The following ATXN7 variants were observed in gnomAD, a reference collection of about 807,000 sequenced individuals.
The protein encoded by ATXN7 is ataxin-7.
ATXN7 carries 12 observed loss-of-function variants against 70.5 expected under a neutral mutation model. That is an observed-to-expected ratio of 0.17 (90% confidence interval 0.11 to 0.28). The LOEUF (loss-of-function observed/expected upper bound fraction) is 0.28, where lower values mean the gene tolerates loss of function less well. Ranked by LOEUF, ATXN7 falls within the 10% of genes least tolerant of loss-of-function variation. The probability of loss-of-function intolerance (pLI) is 1.00; values close to 1 mark genes in which losing one functional copy is unlikely to be tolerated. For synonymous variants in ATXN7, 498 were observed against 448.7 expected (o/e 1.11, Z -1.39); for missense variants, 1,256 against 1,131.7 (o/e 1.11, Z -1.58).
chr3:63,994,359 T>C (rs925838997), intron 11 of ATXN7, among the ~76,000 whole-genome samples: 1 of 152,080 alleles, frequency 6.6e-6, no homozygotes, highest in Non-Finnish European at 1.5e-5. Context: ...CTCAGCCTTC[T>C]AAGTAGCTGG....
chr3:64,002,877 AATTTAAAAT>A lies in ATXN7; in HGVS notation c.*3424_*3432del, dbSNP rs1405843593. 13 of 151,004 alleles carry A rather than the reference AATTTAAAAT, an allele frequency of 8.6e-5. No homozygotes were observed. Among genetic ancestry groups the A allele is most frequent in the African/African-American group, 1.2e-4 (5 of 41,454 alleles). The allele number at this position is 151,004 out of a possible 1,614,324, so 9.4% of individuals were successfully genotyped here. ...GTTTTGTTATTCACTCATGAAATAC[AATTTAAAAT>A]ATTTAAAATATTTTGTATTCCAAAA... On this transcript the variant is annotated 3_prime_UTR_variant, in exon 13 of 13. Coordinates refer to ENST00000674280, the MANE Select transcript of ATXN7 (RefSeq NM_001377405.1).
At chr3:63,979,882 A>G (rs375903311) in intron 5 of ATXN7, 33 bp from the exon 6 acceptor site, 15 of 1,610,564 alleles carry the variant, frequency 9.3e-6, no homozygotes, top group African/African-American at 8.0e-5. Context: ...CGCCTAAAAC[A>G]TGATGTCTTT....
At chr3:63,869,468 G>A (rs1050144177) in intron 1 of ATXN7, among the ~76,000 whole-genome samples, 1 of 151,834 alleles carries the variant, frequency 6.6e-6, no homozygotes, top group African/African-American at 2.4e-5. Context: ...TTGTTGCCAA[G>A]GCTGGAGTGC....
intron 1 of ATXN7, among the ~76,000 whole-genome samples, chr3:63,871,142 T>C (rs1226356871): frequency 6.6e-6 from 1 of 152,166 alleles, no homozygotes; most frequent in African/African-American, 2.4e-5. Context: ...GTACACTCTT[T>C]TTGGAGTTTA....
At chr3:63,928,206 T>C (rs970880043) in intron 4 of ATXN7, among the ~76,000 whole-genome samples, 3 of 152,168 alleles carry the variant, frequency 2.0e-5, no homozygotes, top group Non-Finnish European at 2.9e-5. Context: ...GAGGCTGATC[T>C]GGGAGAATCA....
intron 5 of ATXN7, among the ~76,000 whole-genome samples, chr3:63,972,760 G>A (rs2075332562): frequency 6.6e-6 from 1 of 152,164 alleles, no homozygotes; most frequent in Non-Finnish European, 1.5e-5. Flanking sequence ...CTTAGAAGAG[G>A]TTGATATCTT....
intron 1 of ATXN7, among the ~76,000 whole-genome samples, chr3:63,896,141 T>C (rs1363615990): frequency 1.3e-5 from 2 of 151,946 alleles, no homozygotes; most frequent in Admixed American, 6.6e-5. Flanking sequence ...GAAAAAAGGG[T>C]CAACATAGGC....
Position 63,988,129 on chromosome 3 carries a change from A to G in ATXN7, c.1166A>G (p.His389Arg). 6.2e-7 allele frequency: 1 copy of G among 1,614,172 alleles called. No homozygotes were observed. The highest frequency in any genetic ancestry group is 1.7e-5 in the Admixed American group (1 of 60,024). Residue 389 changes from histidine (H) to arginine (R), a missense_variant, in exon 9 of 13, where the codon CAC becomes CGC. Physicochemically the swap from His to Arg is conservative, Grantham distance 29. Coordinates refer to ENST00000674280, the MANE Select transcript of ATXN7 (RefSeq NM_001377405.1). ...RKRFDVLLAE[H>R]KNKTREKELI... ...CGATTTGATGTGTTATTAGCCGAGC[A>G]CAAAAACAAAACCAGGGAAAAGGAA...
chr3:63,991,010 T>C, intron 11 of ATXN7, 151 bp downstream of exon 11: 3 of 1,130,552 alleles, frequency 2.7e-6, no homozygotes, highest in Non-Finnish European at 3.8e-6. Context: ...ATTCATTCAT[T>C]CATTTACCCC....
At chr3:63,986,876 G>A (rs2075586261) in intron 8 of ATXN7, among the ~76,000 whole-genome samples, 1 of 152,168 alleles carries the variant, frequency 6.6e-6, no homozygotes, top group Non-Finnish European at 1.5e-5. Flanking sequence ...TGTATTATGT[G>A]TAGGGGCATG....
chr3:63,906,819 A>G lies in ATXN7; in HGVS notation c.-11-5769A>G, dbSNP rs547232761. Among the ~76,000 whole-genome samples, 7 of 152,290 alleles carry G rather than the reference A, an allele frequency of 4.6e-5. No homozygotes were observed. The South Asian group carries it at 1.4e-3, about 32-fold the overall frequency. On this transcript the variant is annotated intron_variant, in intron 2 of 12. Transcript: ENST00000674280. ...GCATGTTTGAAGTTCTGAATTTGTC[A>G]TTTGGGCTAGACCATAGACTACCTG... is the stretch of plus-strand genomic sequence containing the variant.
intron 1 of ATXN7, among the ~76,000 whole-genome samples, chr3:63,886,820 A>G (rs1227068117): frequency 1.3e-5 from 2 of 152,234 alleles, no homozygotes; most frequent in African/African-American, 2.4e-5. Context: ...AAAGTGGGGC[A>G]GTTCTTCCTT....
At chr3:63,990,474 G>T in intron 10 of ATXN7, 100 bp downstream of exon 10, 2 of 1,433,064 alleles carry the variant, frequency 1.4e-6, no homozygotes, top group South Asian at 2.5e-5. Context: ...CGTATGTGTG[G>T]GACGCGGTCA....
intron 4 of ATXN7, among the ~76,000 whole-genome samples, chr3:63,950,872 G>A (rs1176216908): frequency 6.6e-6 from 1 of 152,134 alleles, no homozygotes; most frequent in African/African-American, 2.4e-5. Context: ...ATCAAAGATG[G>A]TCAGCCCTGA....
Position 64,002,812 on chromosome 3 carries a change from A to G in ATXN7, c.*3345A>G, listed in dbSNP as rs2106822743. ...GGATTGCCTGGTGGCACCAAGGGTT[A>G]CAGATCTTTTTGTCAGCCAGCAACT... On this transcript the variant is annotated 3_prime_UTR_variant, in exon 13 of 13. Coordinates refer to ENST00000674280, the MANE Select transcript of ATXN7 (RefSeq NM_001377405.1). The G allele has an allele frequency of 6.6e-6, 1 of 152,326 alleles. No individual in the cohort carries two copies. The highest frequency in any genetic ancestry group is 6.5e-5 in the Admixed American group (1 of 15,308). 9.4% of individuals were successfully genotyped at this position (152,326 alleles called of 1,614,324 possible).
intron 6 of ATXN7, among the ~76,000 whole-genome samples, chr3:63,981,183 A>G (rs1354587851): frequency 6.6e-6 from 1 of 152,214 alleles, no homozygotes; most frequent in Admixed American, 6.5e-5. Context: ...AGGATGTGAC[A>G]TCTTGCAGTC....
chr3:63,972,528 C>T (rs1250566529), intron 5 of ATXN7, among the ~76,000 whole-genome samples: 2 of 152,192 alleles, frequency 1.3e-5, no homozygotes, highest in African/African-American at 2.4e-5. Context: ...CTTAGAAAAT[C>T]TGCCCAAAAT....
chr3:63,876,355 G>T (rs978255562), intron 1 of ATXN7, among the ~76,000 whole-genome samples: 5 of 151,916 alleles, frequency 3.3e-5, no homozygotes, highest in African/African-American at 1.2e-4. Context: ...CCTCCACTCC[G>T]TACCCTGTTT....
intron 4 of ATXN7, among the ~76,000 whole-genome samples, chr3:63,939,877 T>C (rs926478131): frequency 6.6e-6 from 1 of 152,076 alleles, no homozygotes; most frequent in African/African-American, 2.4e-5. Context: ...CTGATGTATC[T>C]GGTAGCTCCC....
Sources: allele counts gnomAD v4.1 joint callset (sites outside exome capture counted in the v4.1 genomes callset), GRCh38; gene constraint gnomAD v4.1.1; transcripts MANE v1.5; gene names NCBI Gene and HGNC (gene_info 2026-07-23, HGNC 2026-07-21).